Variants in PKIB observed in about 807,000 individuals in gnomAD.
PKIB encodes the protein cAMP-dependent protein kinase inhibitor beta.
In PKIB, 2 loss-of-function variants were observed where a neutral mutation model predicts 4.5. The observed-to-expected ratio is 0.44, with a 90% CI of 0.18 to 1.39. The LOEUF is 1.39. PKIB is among the 40% of genes most tolerant of loss of function. The pLI is 0.27. For missense variants in PKIB, 94 were observed against 92.6 expected (o/e 1.02, Z -0.06); for synonymous variants, 38 against 36.0 (o/e 1.06, Z -0.20).
intron 3 of PKIB, among the ~76,000 whole-genome samples, chr6:122,717,395 T>G (rs3813492): frequency 4.6e-5 from 7 of 152,000 alleles, no homozygotes; most frequent in African/African-American, 7.3e-5. Context: ...GCCTGAACAA[T>G]CACCACAAGC....
chr6:122,681,899 C>T (rs1457626586), intron 3 of PKIB, among the ~76,000 whole-genome samples: 2 of 152,180 alleles, frequency 1.3e-5, no homozygotes, highest in Non-Finnish European at 2.9e-5. Flanking sequence ...GCTAATGTGT[C>T]AGCCTACAGC....
intron 2 of PKIB, among the ~76,000 whole-genome samples, chr6:122,637,294 G>A (rs1430813): frequency 0.38 from 57,740 of 151,862 alleles, 12,053 homozygotes; most frequent in South Asian, 0.64. Context: ...AGGGGAAATG[G>A]AATTAATGAA....
intron 2 of PKIB, among the ~76,000 whole-genome samples, chr6:122,517,187 A>G (rs1470102810): frequency 6.6e-6 from 1 of 152,180 alleles, no homozygotes; most frequent in East Asian, 1.9e-4. Context: ...GAATTTTTAT[A>G]CTGAACACAT....
At chr6:122,482,909 G>C (rs560717) in intron 2 of PKIB, 121,841 of 151,626 alleles carry the variant, frequency 0.8, 49,206 homozygotes, top group South Asian at 0.92. Context: ...TCCCTACCCC[G>C]CTGAAATAGG....
At chr6:122,527,178 T>C (rs1163518553) in intron 2 of PKIB, among the ~76,000 whole-genome samples, 5 of 152,210 alleles carry the variant, frequency 3.3e-5, no homozygotes, top group African/African-American at 1.2e-4. Context: ...TGATTAGCTT[T>C]GGTTTAAGGG....
intron 2 of PKIB, among the ~76,000 whole-genome samples, chr6:122,497,687 A>G (rs1346993478): frequency 6.6e-6 from 1 of 152,198 alleles, no homozygotes; most frequent in African/African-American, 2.4e-5. Context: ...TATATACATA[A>G]TCAACAATGG....
At chr6:122,657,795 A>G (rs563894501) in intron 2 of PKIB, among the ~76,000 whole-genome samples, 2 of 152,360 alleles carry the variant, frequency 1.3e-5, no homozygotes, top group South Asian at 4.1e-4. Flanking sequence ...ACATCTCAAT[A>G]TACTCATAAA....
intron 3 of PKIB, among the ~76,000 whole-genome samples, chr6:122,700,846 C>T (rs994599840): frequency 2.6e-5 from 4 of 152,120 alleles, no homozygotes; most frequent in African/African-American, 7.2e-5. Context: ...CTAGGAAGTG[C>T]GAGTCCATCT....
At chr6:122,500,032 C>G (rs1776182625) in intron 2 of PKIB, among the ~76,000 whole-genome samples, 1 of 152,062 alleles carries the variant, frequency 6.6e-6, no homozygotes, top group Non-Finnish European at 1.5e-5. Context: ...TGAAACACTG[C>G]TGAAAGAAGT....
Position 122,662,308 on chromosome 6 carries a change from C to CTTTTTTTTTTTTTT in PKIB, c.-75-12754_-75-12741dup, listed in dbSNP as rs71021412. On this transcript the variant is annotated intron_variant, in intron 2 of 4. Transcript: ENST00000368452. ...CTCTCCTTCTTTCTTTCCTTGTCTC[C>CTTTTTTTTTTTTTT]TTTTTTTTTTTTTTTTTTTTTTTTT... Among the ~76,000 whole-genome samples, 119 of 13,240 alleles carry CTTTTTTTTTTTTTT rather than the reference C, an allele frequency of 9.0e-3. 20 individuals carry two copies. The highest frequency in any genetic ancestry group is 0.011 in the Non-Finnish European group (76 of 6,638). The allele number at this position is 13,240 out of a possible 152,430, so 8.7% of individuals were successfully genotyped here. A position where few individuals can be genotyped will look rare whatever the true frequency, so the allele number is the denominator to read the frequency against.
intron 3 of PKIB, among the ~76,000 whole-genome samples, chr6:122,700,885 AG>A (rs1281296765): frequency 6.6e-6 from 1 of 152,168 alleles, no homozygotes; most frequent in Non-Finnish European, 1.5e-5. Context: ...TATCCAGTAA[AG>A]TCATTAGTCT....
chr6:122,509,135 C>T (rs900243485), intron 2 of PKIB, among the ~76,000 whole-genome samples: 9 of 152,056 alleles, frequency 5.9e-5, no homozygotes, highest in African/African-American at 1.9e-4. Flanking sequence ...ATCACATGGT[C>T]CCATATATGT....
chr6:122,590,667 A>T (rs1773990948), intron 3 of PKIB, among the ~76,000 whole-genome samples: 1 of 152,318 alleles, frequency 6.6e-6, no homozygotes, highest in African/African-American at 2.4e-5. Context: ...GACACCAAAG[A>T]TATGAGAATT....
In PKIB at chr6:122,561,994, G is replaced by GTTTTTTTTTTTTTTTTTTT; in HGVS notation, c.-247-23918_-247-23917insTTTTTTTTTTTTTTTTTTT. Reference sequence around the variant, plus strand: ...GCATAGTTTTTTTTTGTTTGTTTTTGTTTTTTTTTGTTTTTTTTTTTTTTT... The same window carrying GTTTTTTTTTTTTTTTTTTT: ...GCATAGTTTTTTTTTGTTTGTTTTTGTTTTTTTTTTTTTTTTTTTTTTTTTTTTGTTTTTTTTTTTTTTT... On this transcript the variant is annotated intron_variant, in intron 2 of 6. Transcript: ENST00000392491. 3.2e-4 allele frequency among the ~76,000 whole-genome samples: 13 copies of GTTTTTTTTTTTTTTTTTTT among 40,914 alleles called. 2 individuals carry two copies. The highest frequency in any genetic ancestry group is 1.8e-3 in the East Asian group (2 of 1,140). 26.8% of individuals were successfully genotyped at this position (40,914 alleles called of 152,430 possible).
chr6:122,596,293 C>T (rs553335130), intron 3 of PKIB, among the ~76,000 whole-genome samples: 1 of 152,316 alleles, frequency 6.6e-6, no homozygotes, highest in East Asian at 1.9e-4. Context: ...TCTTCTCTTC[C>T]TCTGTCAACT....
chr6:122,686,492 AT>A (rs1366131649), intron 3 of PKIB, among the ~76,000 whole-genome samples: 3 of 151,260 alleles, frequency 2.0e-5, no homozygotes, highest in African/African-American at 7.3e-5. Context: ...GCCCATTTAT[AT>A]ATATATATAT....
At chr6:122,695,898 A>G (rs996204621) in intron 3 of PKIB, among the ~76,000 whole-genome samples, 3 of 152,164 alleles carry the variant, frequency 2.0e-5, no homozygotes, top group African/African-American at 7.2e-5. Flanking sequence ...GGTAAAGATT[A>G]AATAAAATAT....
intron 2 of PKIB, among the ~76,000 whole-genome samples, chr6:122,636,059 TAATCCTCACAACAACCCTA>T (rs2114834863): frequency 6.6e-6 from 1 of 152,270 alleles, no homozygotes; most frequent in African/African-American, 2.4e-5. Flanking sequence ...TTAACTCATT[TAATCCTCACAACAACCCTA>T]GGAGATATGG....
intron 2 of PKIB, among the ~76,000 whole-genome samples, chr6:122,524,189 CCTCTT>C (rs1425938582): frequency 2.0e-5 from 3 of 148,682 alleles, no homozygotes. Flanking sequence ...TCTTCATCCT[CCTCTT>C]CTTCTTTCTT....
Sources: allele counts gnomAD v4.1 joint callset (sites outside exome capture counted in the v4.1 genomes callset), GRCh38; gene constraint gnomAD v4.1.1; transcripts MANE v1.5; gene names NCBI Gene and HGNC (gene_info 2026-07-23, HGNC 2026-07-21).